ARHGEF18: variants seen among roughly 807,000 people sequenced by gnomAD.
ARHGEF18 encodes Rho/Rac guanine nucleotide exchange factor 18.
In ARHGEF18, 93 loss-of-function variants were observed where a neutral mutation model predicts 155.7. The observed-to-expected ratio is 0.60, with a 90% CI of 0.50 to 0.71. The LOEUF (loss-of-function observed/expected upper bound fraction) is 0.71, where lower values mean the gene tolerates loss of function less well. ARHGEF18 is among the 30% of genes least tolerant of loss of function. The pLI is 0.00. For missense variants in ARHGEF18, 1,593 were observed against 1,816.1 expected, an observed-to-expected ratio of 0.88 and a Z score of 2.23; for synonymous variants, 742 against 753.1, an observed-to-expected ratio of 0.99 and a Z score of 0.24.
chr19:7,436,887 T>G (rs1443588327), intron 10 of ARHGEF18, among the ~76,000 whole-genome samples: 1 of 152,186 alleles, frequency 6.6e-6, no homozygotes, highest in Admixed American at 6.6e-5. Context: ...CTTTGTCTCC[T>G]ATAACAATAG....
intron 2 of ARHGEF18, among the ~76,000 whole-genome samples, chr19:7,365,599 G>A (rs908294019): frequency 2.6e-5 from 4 of 152,314 alleles, no homozygotes; most frequent in East Asian, 1.9e-4. Flanking sequence ...ATGGGGGAAC[G>A]GTGGGCTCTG....
Position 7,467,420 on chromosome 19 carries a change from C to T in ARHGEF18, c.3216C>T (p.Arg1072=), listed in dbSNP as rs1976709339. Residue 1072 remains arginine, a synonymous_variant, in exon 26 of 29, where the codon CGC becomes CGT. Coordinates refer to ENST00000668164, the MANE Select transcript of ARHGEF18 (RefSeq NM_001367823.1). ...QLRHEQQRWE[R]ERQWQHQELE... is the part of the protein sequence containing the mutation. Reference sequence around the variant, plus strand: ...GGCACGAGCAGCAGCGCTGGGAGCGCGAGCGCCAGTGGCAGCACCAGGAGC... The same window carrying T: ...GGCACGAGCAGCAGCGCTGGGAGCGTGAGCGCCAGTGGCAGCACCAGGAGC... The T allele has an allele frequency of 2.6e-6, 4 of 1,531,854 alleles. No homozygotes were observed. The highest frequency in any genetic ancestry group is 2.0e-5 in the Admixed American group (1 of 50,872). 94.9% of individuals were successfully genotyped at this position (1,531,854 alleles called of 1,614,324 possible). A position where few individuals can be genotyped will look rare whatever the true frequency, so the allele number is the denominator to read the frequency against.
chr19:7,451,211 A>G lies in ARHGEF18; in HGVS notation c.1800A>G (p.Thr600=). The part of the protein sequence containing the change: ...LGVQECILLV[T]QRITKYPVLV... ...TGCAGGAGTGCATTCTCCTGGTTAC[A>G]CAACGCATAACCAAATACCCAGTGC... The change falls in exon 16 of 29, where the codon ACA becomes ACG. Residue 600 remains threonine (T), a synonymous_variant. Coordinates refer to ENST00000668164, the MANE Select transcript of ARHGEF18 (RefSeq NM_001367823.1). The G allele has an allele frequency of 1.9e-6, 3 of 1,599,438 alleles. No individual in the cohort carries two copies. Among genetic ancestry groups the G allele is most frequent in the Non-Finnish European group, 2.6e-6 (3 of 1,174,436 alleles).
chr19:7,358,192 G>A (rs59223817), intron 1 of ARHGEF18, among the ~76,000 whole-genome samples: 45 of 94,064 alleles, frequency 4.8e-4, no homozygotes, highest in African/African-American at 1.2e-3. Context: ...CATCCAATCA[G>A]CCAACTCTTC....
chr19:7,373,248 CAG>C (rs2145404397), intron 3 of ARHGEF18, among the ~76,000 whole-genome samples, 177 bp downstream of exon 3: 1 of 152,328 alleles, frequency 6.6e-6, no homozygotes, highest in African/African-American at 2.4e-5. Context: ...CCCAGGGGGA[CAG>C]GGGATACTTT....
At chr19:7,477,063 C>G, downstream of ARHGEF18, 1 of 740,990 alleles carries the variant, frequency 1.3e-6, no homozygotes. Context: ...GACCTCGCAT[C>G]AGTCCCTCCA....
At chr19:7,478,194 T>TC in the ARHGEF18 span, 2 of 1,047,166 alleles carry the variant, frequency 1.9e-6, no homozygotes, top group Non-Finnish European at 2.8e-6. Context: ...CTGTGATGAC[T>TC]CCCCCATGAC....
At position 7,375,864 on chromosome 19, in the gene ARHGEF18, A is replaced by C. The variant is rs1318278629; in HGVS notation, c.420A>C (p.Pro140=). Reference sequence around the variant, plus strand: ...GGGGCGGGACCCCCGCAGAGAGCCCAGGCAAGGTGGGTATAACCTGCAGCC... The same window carrying C: ...GGGGCGGGACCCCCGCAGAGAGCCCCGGCAAGGTGGGTATAACCTGCAGCC... The part of the protein sequence containing the change: ...LSGGGTPAES[P]GKECDSPKKR... Residue 140 remains proline, a synonymous_variant, in exon 4 of 29, where the codon CCA becomes CCC. Transcript: ENST00000668164. 8.1e-7 allele frequency: 1 copy of C among 1,234,312 alleles called. No homozygotes were observed. Among genetic ancestry groups the C allele is most frequent in the African/African-American group, 1.6e-5 (1 of 64,500 alleles). The allele number at this position is 1,234,312 out of a possible 1,614,324, so 76.5% of individuals were successfully genotyped here. A position where few individuals can be genotyped will look rare whatever the true frequency, so the allele number is the denominator to read the frequency against.
chr19:7,375,265 C>G (rs1343218642), intron 3 of ARHGEF18, among the ~76,000 whole-genome samples: 22 of 112,278 alleles, frequency 2.0e-4, no homozygotes, highest in African/African-American at 8.8e-4. Context: ...GAGTGAGACT[C>G]TGTCTCAAAA....
chr19:7,440,102 C>A lies in ARHGEF18; in HGVS notation c.968-242C>A. On this transcript the variant is annotated intron_variant, in intron 10 of 28. Coordinates refer to ENST00000668164, the MANE Select transcript of ARHGEF18 (RefSeq NM_001367823.1). This position sits in a 1 kb window ranked among gnomAD's most constrained non-coding sequence, Gnocchi z 5.4. ...CGGGTCCCGGAGCCCCGGGCGCGAA[C>A]ATGGGGAATGCGCACTCCAAAAGCG... The A allele has an allele frequency of 6.4e-7, 1 of 1,550,734 alleles. No individual in the cohort carries two copies. Among genetic ancestry groups the A allele is most frequent in the Non-Finnish European group, 8.7e-7 (1 of 1,146,668 alleles).
At chr19:7,456,701 A>C (rs1975849313) in intron 18 of ARHGEF18, among the ~76,000 whole-genome samples, 1 of 152,206 alleles carries the variant, frequency 6.6e-6, no homozygotes, top group Non-Finnish European at 1.5e-5. Context: ...AGACTGCGCC[A>C]CTGCTCTCCC....
chr19:7,417,107 A>G (rs1008647942), intron 10 of ARHGEF18, among the ~76,000 whole-genome samples: 4 of 151,956 alleles, frequency 2.6e-5, no homozygotes, highest in Non-Finnish European at 4.4e-5. Flanking sequence ...ACAGGGTTTC[A>G]CTATGTTGGT....
At chr19:7,351,511 G>A (rs1382492634) in intron 1 of ARHGEF18, among the ~76,000 whole-genome samples, 3 of 151,552 alleles carry the variant, frequency 2.0e-5, no homozygotes, top group Non-Finnish European at 4.4e-5. Flanking sequence ...TTTTAATAGA[G>A]ACGGGGTTTC....
chr19:7,362,303 A>G lies in ARHGEF18; in HGVS notation c.-110-478A>G, dbSNP rs547791029. ...GAAGAAGAGGAGGAGGAAGAAGGAG[A>G]AGGAGGAAGAAGAAGGAAGAAGGTG... On this transcript the variant is annotated intron_variant, in intron 1 of 28. Transcript: ENST00000668164. Among the ~76,000 whole-genome samples, 63 of 149,570 alleles carry G rather than the reference A, an allele frequency of 4.2e-4. 2 individuals carry two copies. The highest frequency in any genetic ancestry group is 1.5e-3 in the African/African-American group (58 of 39,660).
At chr19:7,479,020 G>C in the ARHGEF18 span, among the ~76,000 whole-genome samples, 1 of 152,362 alleles carries the variant, frequency 6.6e-6, no homozygotes, top group African/African-American at 2.4e-5. Context: ...TCGGCCGTGG[G>C]GTGTGCCGGG....
chr19:7,440,089 C>T lies in ARHGEF18; in HGVS notation c.968-255C>T. 6.4e-7 allele frequency: 1 copy of T among 1,550,426 alleles called. No homozygotes were observed. The highest frequency in any genetic ancestry group is 1.2e-5 in the South Asian group (1 of 83,990). On this transcript the variant is annotated intron_variant, in intron 10 of 28. Transcript: ENST00000668164. This position sits in a 1 kb window ranked among gnomAD's most constrained non-coding sequence, Gnocchi z 5.4. ...CCTGGCGCCGCGCCGGGTCCCGGAGCCCCGGGCGCGAACATGGGGAATGCG... is the reference window on the plus strand; with the variant it reads ...CCTGGCGCCGCGCCGGGTCCCGGAGTCCCGGGCGCGAACATGGGGAATGCG...
chr19:7,466,615 C>T (rs1600545675), intron 23 of ARHGEF18, among the ~76,000 whole-genome samples: 1 of 150,968 alleles, frequency 6.6e-6, no homozygotes, highest in East Asian at 2.0e-4. Flanking sequence ...CCAGCCTGGC[C>T]AACATGGTGA....
chr19:7,400,992 G>A (rs188147252), intron 10 of ARHGEF18, among the ~76,000 whole-genome samples: 87 of 152,236 alleles, frequency 5.7e-4, no homozygotes, highest in African/African-American at 1.7e-3. Flanking sequence ...CTCTGTGTAG[G>A]GATACCTCTA....
intron 1 of ARHGEF18, among the ~76,000 whole-genome samples, chr19:7,357,248 G>A (rs1166195452): frequency 2.6e-5 from 4 of 152,152 alleles, no homozygotes; most frequent in African/African-American, 9.7e-5. Context: ...TAGATCCAAC[G>A]GTGGATGGCG....
Sources: gnomAD v4.1 joint callset for allele counts (sites outside exome capture counted in the v4.1 genomes callset) on GRCh38, gnomAD v4.1.1 for gene constraint, Gnocchi (gnomAD v3.1) non-coding constraint, MANE v1.5 for transcripts, NCBI Gene and HGNC (gene_info 2026-07-23, HGNC 2026-07-21) for gene names.